TMEM79: variants seen among roughly 807,000 people sequenced by gnomAD.
The protein encoded by TMEM79 is mattrin.
Under a neutral mutation model 31.2 loss-of-function variants are expected in TMEM79, and 30 were observed. The observed-to-expected ratio is 0.96, with a 90% CI of 0.72 to 1.30. TMEM79 has a LOEUF of 1.30. TMEM79 is among the 50% of genes most tolerant of loss of function. The pLI, the probability that TMEM79 is intolerant of heterozygous loss-of-function variation, is 0.00. For missense variants in TMEM79, 509 were observed against 528.2 expected (o/e 0.96, Z 0.36); for synonymous variants, 213 against 229.5 (o/e 0.93, Z 0.65).
intron 3 of TMEM79, among the ~76,000 whole-genome samples, chr1:156,287,352 G>A (rs1255341305): frequency 2.0e-5 from 3 of 152,108 alleles, no homozygotes; most frequent in Non-Finnish European, 4.4e-5. Flanking sequence ...GGAGGCGGAG[G>A]TTGCAGTGAG....
At chr1:156,284,470 T>C (rs1402657155) in intron 1 of TMEM79, 64 bp downstream of exon 1, 1 of 152,214 alleles carries the variant, frequency 6.6e-6, no homozygotes, top group Non-Finnish European at 1.5e-5. Context: ...AGGAAGGGAA[T>C]CAGTCCCATC....
At position 156,285,531 on chromosome 1, in the gene TMEM79, C is replaced by T; in HGVS notation, c.305C>T (p.Pro102Leu). 6.2e-7 allele frequency: 1 copy of T among 1,614,214 alleles called. No individual in the cohort carries two copies. The highest frequency in any genetic ancestry group is 1.7e-5 in the Admixed American group (1 of 60,024). ...PGWRDIEPEP[P>L]ESEPLTKLEE... ...TGGCGGGACATTGAACCAGAGCCCC[C>T]TGAGTCAGAACCACTTACCAAGCTA... is the stretch of plus-strand genomic sequence containing the variant. The change falls in exon 2 of 4, where the codon CCT (proline) becomes CTT (leucine). Residue 102 changes from proline to leucine, a missense_variant. Physicochemically the swap from Pro to Leu is moderately conservative, Grantham distance 98. Coordinates refer to ENST00000405535, the MANE Select transcript of TMEM79 (RefSeq NM_032323.3).
chr1:156,291,581 C>T lies in TMEM79; in HGVS notation c.1168C>T (p.Pro390Ser), dbSNP rs1243734353. Residue 390 changes from proline to serine, a missense_variant, in exon 4 of 4, where the codon CCC (proline) becomes TCC (serine). Pro to Ser is a moderately conservative substitution (Grantham distance 74, BLOSUM62 -1). Transcript: ENST00000405535. ...CGCCCGCTCGGCCTCCGACTACAGG[C>T]CCCGCCCCTGGGGCTGAGCCTCTCC... is the stretch of plus-strand genomic sequence containing the variant. ...DHARSASDYRPRPWG is the reference protein window; with the variant it reads ...DHARSASDYRSRPWG The T allele has an allele frequency of 1.9e-6, 3 of 1,611,506 alleles. No individual in the cohort carries two copies. In the East Asian group the frequency reaches 6.7e-5, roughly 36 times the overall value.
At chr1:156,286,061 G>A (rs1663150845) in intron 2 of TMEM79, 78 bp downstream of exon 2, 5 of 1,534,964 alleles carry the variant, frequency 3.3e-6, no homozygotes, top group Non-Finnish European at 4.4e-6. Context: ...GGGAGCAGGA[G>A]GATTTCCCTT....
intron 3 of TMEM79, among the ~76,000 whole-genome samples, chr1:156,289,598 C>T (rs776855168): frequency 1.3e-5 from 2 of 152,022 alleles, no homozygotes; most frequent in Admixed American, 6.6e-5. Context: ...GGCGACAGAG[C>T]GAGACTCTGT....
At chr1:156,291,306 TC>T in intron 3 of TMEM79, 78 bp from the exon 4 acceptor site, 13 of 1,342,086 alleles carry the variant, frequency 9.7e-6, no homozygotes, top group South Asian at 3.7e-5. Flanking sequence ...CCCTATCTAC[TC>T]CCCCCACCGT....
At chr1:156,284,967 G>A (rs1038892491) in intron 1 of TMEM79, among the ~76,000 whole-genome samples, 11 of 152,106 alleles carry the variant, frequency 7.2e-5, no homozygotes, top group Admixed American at 2.0e-4. Flanking sequence ...CCTGTTGGAC[G>A]GCATTTGATG....
At chr1:156,284,948 T>C in intron 1 of TMEM79, among the ~76,000 whole-genome samples, 1 of 152,110 alleles carries the variant, frequency 6.6e-6, no homozygotes, top group East Asian at 1.9e-4. Flanking sequence ...GTCCCTTGAC[T>C]CACCCTCTCC....
rs9331871 is a variant in TMEM79 at position 156,292,376 on chromosome 1, AGT to A, written c.*823_*824del. 19,321 of 141,756 alleles carry A rather than the reference AGT, an allele frequency of 0.14. 1,313 individuals are homozygous for A. Among genetic ancestry groups the A allele is most frequent in the Middle Eastern group, 0.19 (54 of 280 alleles). 8.8% of individuals were successfully genotyped at this position (141,756 alleles called of 1,614,324 possible). On this transcript the variant is annotated 3_prime_UTR_variant, in exon 4 of 4. Coordinates refer to ENST00000405535, the MANE Select transcript of TMEM79 (RefSeq NM_032323.3). Reference sequence around the variant, plus strand: ...ATGGTGCGGTGGTTGATGTTAACCTAGTGTGTGTGTGTGTGTGTGTGTGTGTG... The same window carrying A: ...ATGGTGCGGTGGTTGATGTTAACCTAGTGTGTGTGTGTGTGTGTGTGTGTG...
chr1:156,291,667 C>G lies in TMEM79; in HGVS notation c.*69C>G. 6.7e-7 allele frequency: 1 copy of G among 1,493,912 alleles called. No individual in the cohort carries two copies. The highest frequency in any genetic ancestry group is 9.3e-7 in the Non-Finnish European group (1 of 1,075,864). The allele number at this position is 1,493,912 out of a possible 1,614,324, so 92.5% of individuals were successfully genotyped here. On this transcript the variant is annotated 3_prime_UTR_variant, in exon 4 of 4. Transcript: ENST00000405535. ...TCTGACACATCTTTGAACCTTGTGG[C>G]CAGGCCTGGACTTCGCCCCCAGGCC...
intron 3 of TMEM79, among the ~76,000 whole-genome samples, chr1:156,287,091 C>G (rs1188506113): frequency 1.3e-5 from 2 of 151,838 alleles, no homozygotes; most frequent in African/African-American, 4.8e-5. Context: ...TCACTGTACT[C>G]TAGCCTGGAC....
In TMEM79 at chr1:156,291,372, C is replaced by G. The variant is rs555788918; in HGVS notation, c.972-13C>G. On this transcript the variant is annotated splice_polypyrimidine_tract_variant and intron_variant, in intron 3 of 3. Transcript: ENST00000405535. ...CCCTCGAGAGTAGCCTGACCCTTTT[C>G]TTGCCCCCATAGGCTGATCTACTGG... The G allele has an allele frequency of 6.2e-7, 1 of 1,613,056 alleles. No homozygotes were observed. Among genetic ancestry groups the G allele is most frequent in the Admixed American group, 1.7e-5 (1 of 60,006 alleles).
chr1:156,289,054 A>G (rs1365578808), intron 3 of TMEM79, among the ~76,000 whole-genome samples: 1 of 152,198 alleles, frequency 6.6e-6, no homozygotes, highest in Non-Finnish European at 1.5e-5. Flanking sequence ...TTCCTCTCTT[A>G]TCCAGGGTCC....
chr1:156,288,032 G>A (rs1663216707), intron 3 of TMEM79, among the ~76,000 whole-genome samples: 2 of 151,786 alleles, frequency 1.3e-5, no homozygotes, highest in South Asian at 4.2e-4. Flanking sequence ...GGCTAACACG[G>A]TGAAACCCCG....
intron 3 of TMEM79, chr1:156,290,186 G>C (rs939835912): frequency 6.6e-6 from 1 of 152,148 alleles, no homozygotes; most frequent in Non-Finnish European, 1.5e-5. Flanking sequence ...AGTCTATATA[G>C]TATGCTGCCA....
In TMEM79 at chr1:156,291,496, C is replaced by T. The variant is rs756474890; in HGVS notation, c.1083C>T (p.Phe361=). The T allele has an allele frequency of 1.2e-6, 2 of 1,612,894 alleles. No individual in the cohort carries two copies. Among genetic ancestry groups the T allele is most frequent in the South Asian group, 1.1e-5 (1 of 91,082 alleles). ...SMLMWNLYYM[F]VVEPERMLTA... is the part of the protein sequence containing the mutation. ...TGATGTGGAACCTCTACTACATGTT[C>T]GTGGTGGAGCCGGAGCGCATGCTCA... The change falls in exon 4 of 4, where the codon TTC becomes TTT. Residue 361 remains phenylalanine, a synonymous_variant. Coordinates refer to ENST00000405535, the MANE Select transcript of TMEM79 (RefSeq NM_032323.3).
intron 3 of TMEM79, among the ~76,000 whole-genome samples, chr1:156,286,835 G>C (rs976877765): frequency 6.6e-6 from 1 of 152,194 alleles, no homozygotes; most frequent in Non-Finnish European, 1.5e-5. Flanking sequence ...TTTCAAAATA[G>C]AGACAAGGCT....
At chr1:156,287,370 C>A (rs1199853632) in intron 3 of TMEM79, among the ~76,000 whole-genome samples, 1 of 152,026 alleles carries the variant, frequency 6.6e-6, no homozygotes, top group Non-Finnish European at 1.5e-5. Flanking sequence ...GAGCCAAGAT[C>A]GCGCCATTGC....
chr1:156,285,809 C>T lies in TMEM79; in HGVS notation c.583C>T (p.Arg195Cys), dbSNP rs61814771. 83 of 1,613,552 alleles carry T rather than the reference C, an allele frequency of 5.1e-5. No individual in the cohort carries two copies. Among genetic ancestry groups the T allele is most frequent in the Non-Finnish European group, 6.7e-5 (79 of 1,180,012 alleles). ...TGGGGGCTGCGGGAGCTGTGGAGAC[C>T]GTGAGTGGCTAAGGGCTGTGGCCTC... ...SCGGCGSCGDREWLRAVASVG... is the reference protein window; with the variant it reads ...SCGGCGSCGDCEWLRAVASVG... The change falls in exon 2 of 4, where the codon CGT (arginine) becomes TGT (cysteine). Residue 195 changes from arginine (R) to cysteine (C), a missense_variant. Physicochemically the swap from Arg to Cys is radical, Grantham distance 180 (BLOSUM62 -3). Transcript: ENST00000405535.
Sources: gnomAD v4.1 joint callset for allele counts (sites outside exome capture counted in the v4.1 genomes callset) on GRCh38, gnomAD v4.1.1 for gene constraint, MANE v1.5 for transcripts, NCBI Gene and HGNC (gene_info 2026-07-23, HGNC 2026-07-21) for gene names.